Variants in KCNT2 observed in about 807,000 individuals in gnomAD.
KCNT2 encodes the protein potassium channel subfamily T member 2.
Under a neutral mutation model 153.8 loss-of-function variants are expected in KCNT2, and 67 were observed. The ratio of observed to expected loss-of-function variants is 0.44; its 90% CI spans 0.36 to 0.53. The LOEUF (loss-of-function observed/expected upper bound fraction) is 0.53, where lower values mean the gene tolerates loss of function less well. Ranked by LOEUF, KCNT2 falls within the 20% of genes least tolerant of loss-of-function variation. The pLI, the probability that KCNT2 is intolerant of heterozygous loss-of-function variation, is 0.00. For missense variants in KCNT2, 975 were observed against 1,354.8 expected (o/e 0.72, Z 4.40); for synonymous variants, 500 against 458.8 (o/e 1.09, Z -1.15).
At chr1:196,378,978 G>T (rs1299601856) in intron 13 of KCNT2, among the ~76,000 whole-genome samples, 1 of 146,400 alleles carries the variant, frequency 6.8e-6, no homozygotes, top group South Asian at 2.1e-4. Flanking sequence ...TATTTTACCT[G>T]GATTCATGGC....
intron 1 of KCNT2, among the ~76,000 whole-genome samples, chr1:196,526,015 CTG>C (rs369541629): frequency 0.056 from 7,781 of 139,886 alleles, 205 homozygotes; most frequent in South Asian, 0.11. Context: ...AGAACTGACT[CTG>C]TGTGTGTGTG....
At chr1:196,435,698 T>G (rs1271404737) in intron 8 of KCNT2, among the ~76,000 whole-genome samples, 1 of 151,750 alleles carries the variant, frequency 6.6e-6, no homozygotes, top group Non-Finnish European at 1.5e-5. Context: ...TCAATCAGTT[T>G]AGTACATACT....
intron 8 of KCNT2, among the ~76,000 whole-genome samples, chr1:196,439,584 T>C (rs561159489): frequency 6.6e-6 from 1 of 152,086 alleles, no homozygotes; most frequent in South Asian, 2.1e-4. Context: ...CAATGGTTAA[T>C]AATGACATAA....
chr1:196,594,146 GTT>G (rs1316815456), intron 1 of KCNT2, among the ~76,000 whole-genome samples: 7 of 151,966 alleles, frequency 4.6e-5, no homozygotes, highest in Non-Finnish European at 1.0e-4. Flanking sequence ...CAGATTGATG[GTT>G]TTCACTGAGC....
At chr1:196,478,661 T>G (rs2148695794) in intron 5 of KCNT2, among the ~76,000 whole-genome samples, 1 of 152,214 alleles carries the variant, frequency 6.6e-6, no homozygotes, top group East Asian at 1.9e-4. Flanking sequence ...GCTGCTTGTA[T>G]TATTATTATC....
At chr1:196,333,730 G>A in intron 17 of KCNT2, 117 bp downstream of exon 17, 2 of 665,464 alleles carry the variant, frequency 3.0e-6, no homozygotes. Flanking sequence ...ATGATTCTAG[G>A]ATGTTCAGAA....
At chr1:196,385,442 A>G (rs1669885450) in intron 13 of KCNT2, among the ~76,000 whole-genome samples, 2 of 152,252 alleles carry the variant, frequency 1.3e-5, no homozygotes, top group Non-Finnish European at 2.9e-5. Context: ...TATGCAGTAT[A>G]TTGTTGACTG....
In KCNT2 at chr1:196,489,807, T is replaced by C. The variant is rs901682653; in HGVS notation, c.275+31A>G. 5 of 1,104,026 alleles carry C rather than the reference T, an allele frequency of 4.5e-6. No homozygotes were observed. In the African/African-American group the frequency reaches 6.3e-5, roughly 14 times the overall value. The allele number at this position is 1,104,026 out of a possible 1,614,324, so 68.4% of individuals were successfully genotyped here. A position where few individuals can be genotyped will look rare whatever the true frequency, so the allele number is the denominator to read the frequency against. ...ATACAACTCAAAATAATCAAAATAA[T>C]ATTGTTGAAGGTCAGAAAAAGGTAC... On this transcript the variant is annotated intron_variant, in intron 3 of 27. Transcript: ENST00000294725.
At chr1:196,282,378 A>AATATAT in intron 23 of KCNT2, 22 bp from the exon 24 acceptor site, 1 of 1,235,858 alleles carries the variant, frequency 8.1e-7, no homozygotes, top group Non-Finnish European at 1.2e-6. Context: ...ACAAACAAAC[A>AATATAT]ATATATAAAT....
At chr1:196,513,654 C>T (rs1210971284) in intron 1 of KCNT2, among the ~76,000 whole-genome samples, 1 of 152,194 alleles carries the variant, frequency 6.6e-6, no homozygotes, top group Non-Finnish European at 1.5e-5. Context: ...CTCTCACTTT[C>T]TATGCTTCCT....
At chr1:196,474,111 T>C (rs889716846) in intron 5 of KCNT2, among the ~76,000 whole-genome samples, 1 of 152,114 alleles carries the variant, frequency 6.6e-6, no homozygotes, top group Non-Finnish European at 1.5e-5. Flanking sequence ...CACGGACACA[T>C]CATTTTTAAC....
At chr1:196,342,565 C>T (rs1321749649) in intron 14 of KCNT2, among the ~76,000 whole-genome samples, 1 of 150,842 alleles carries the variant, frequency 6.6e-6, no homozygotes, top group African/African-American at 2.4e-5. Context: ...GGATTTTAGT[C>T]TCTCTTTATA....
intron 19 of KCNT2, among the ~76,000 whole-genome samples, chr1:196,319,939 A>G (rs1321806738): frequency 6.6e-6 from 1 of 151,798 alleles, no homozygotes; most frequent in Non-Finnish European, 1.5e-5. Context: ...GATCTAAAGC[A>G]ATGGGTACTA....
rs139924611 is a variant in KCNT2 at position 196,298,168 on chromosome 1, T to C, written c.2595+7066A>G. ...ATGACTGTTTGCATTCTGACATAAA[T>C]TCTGTTGCATCAAGCGTGCATCCTA... On this transcript the variant is annotated intron_variant, in intron 22 of 27. Coordinates refer to ENST00000294725, the MANE Select transcript of KCNT2 (RefSeq NM_198503.5). 3.6e-3 allele frequency among the ~76,000 whole-genome samples: 555 copies of C among 152,278 alleles called. 3 individuals are homozygous for C. Among genetic ancestry groups the C allele is most frequent in the African/African-American group, 0.013 (529 of 41,552 alleles).
intron 21 of KCNT2, among the ~76,000 whole-genome samples, chr1:196,315,361 C>A (rs948055138): frequency 6.6e-6 from 1 of 151,510 alleles, no homozygotes; most frequent in Admixed American, 6.6e-5. Flanking sequence ...CCAAAGACAA[C>A]CATAATGGGG....
intron 26 of KCNT2, among the ~76,000 whole-genome samples, chr1:196,251,969 C>T (rs928833249): frequency 6.6e-6 from 1 of 151,740 alleles, no homozygotes. Flanking sequence ...TTTTATGCAA[C>T]ATATATGGCG....
At chr1:196,424,920 C>A (rs1477599851) in intron 11 of KCNT2, among the ~76,000 whole-genome samples, 1 of 150,578 alleles carries the variant, frequency 6.6e-6, no homozygotes, top group Non-Finnish European at 1.5e-5. Flanking sequence ...TGAAGACAGG[C>A]ACAAATACAC....
At chr1:196,458,282 A>T (rs1676852819) in intron 8 of KCNT2, among the ~76,000 whole-genome samples, 1 of 151,874 alleles carries the variant, frequency 6.6e-6, no homozygotes, top group Admixed American at 6.6e-5. Context: ...GTTTTGTAAG[A>T]CTTCAATATT....
chr1:196,432,518 A>G (rs1674254160), intron 8 of KCNT2, among the ~76,000 whole-genome samples: 1 of 152,172 alleles, frequency 6.6e-6, no homozygotes, highest in Non-Finnish European at 1.5e-5. Flanking sequence ...CAGTGTGACC[A>G]GAAGTCAAGA....
Sources: gnomAD v4.1 joint callset for allele counts (sites outside exome capture counted in the v4.1 genomes callset) on GRCh38, gnomAD v4.1.1 for gene constraint, MANE v1.5 for transcripts, NCBI Gene and HGNC (gene_info 2026-07-23, HGNC 2026-07-21) for gene names.